S1PR2: variants seen among roughly 807,000 people sequenced by gnomAD.
S1PR2 encodes the protein sphingosine-1-phosphate receptor 2.
A neutral mutation model predicts 16.1 loss-of-function variants in S1PR2; 9 were observed. The observed-to-expected ratio is 0.56, with a 90% confidence interval of 0.34 to 0.98. The LOEUF (loss-of-function observed/expected upper bound fraction) is 0.98. S1PR2 is among the 50% of genes least tolerant of loss of function. The pLI, the probability that S1PR2 is intolerant of heterozygous loss-of-function variation, is 0.02. For missense variants in S1PR2, 361 were observed against 488.4 expected (o/e 0.74, Z 2.46); for synonymous variants, 224 against 233.9 (o/e 0.96, Z 0.38).
At chr19:10,230,954 G>A in intron 1 of S1PR2, among the ~76,000 whole-genome samples, 1 of 152,312 alleles carries the variant, frequency 6.6e-6, no homozygotes, top group Middle Eastern at 3.4e-3. Context: ...CTCGGATTCA[G>A]CCTTCTCCCC....
At position 10,224,882 on chromosome 19, in the gene S1PR2, G is replaced by A; in HGVS notation, c.24C>T (p.Tyr8=). ...GTTCCTGGACCTTGTTGGGGTTCAGGTACTCCGAGTACAAGCTGCCCATGG... is the reference window on the plus strand; with the variant it reads ...GTTCCTGGACCTTGTTGGGGTTCAGATACTCCGAGTACAAGCTGCCCATGG... MGSLYSE[Y]LNPNKVQEHY... The change falls in exon 2 of 2, where the codon TAC becomes TAT. Residue 8 remains tyrosine, a synonymous_variant. Coordinates refer to ENST00000646641, the MANE Select transcript of S1PR2 (RefSeq NM_004230.4). 1 of 1,610,908 alleles carries A rather than the reference G, an allele frequency of 6.2e-7. No homozygotes were observed. The highest frequency in any genetic ancestry group is 8.5e-7 in the Non-Finnish European group (1 of 1,179,460).
In S1PR2 at chr19:10,223,757, A is replaced by C; in HGVS notation, c.*87T>G. Reference sequence around the variant, plus strand: ...TCTGTGGGGCGGGGGCATCTGGCTCAGTAGCCCCAAGTCTCTATCTGGGGT... The same window carrying C: ...TCTGTGGGGCGGGGGCATCTGGCTCCGTAGCCCCAAGTCTCTATCTGGGGT... On this transcript the variant is annotated 3_prime_UTR_variant, in exon 2 of 2. Coordinates refer to ENST00000646641, the MANE Select transcript of S1PR2 (RefSeq NM_004230.4). The C allele has an allele frequency of 7.9e-7, 1 of 1,264,280 alleles. No homozygotes were observed. Among genetic ancestry groups the C allele is most frequent in the Non-Finnish European group, 1.1e-6 (1 of 916,972 alleles). 78.3% of individuals were successfully genotyped at this position (1,264,280 alleles called of 1,614,324 possible). A position where few individuals can be genotyped will look rare whatever the true frequency, so the allele number is the denominator to read the frequency against.
intron 1 of S1PR2, among the ~76,000 whole-genome samples, chr19:10,230,866 C>G (rs2039671797): frequency 1.3e-5 from 2 of 150,392 alleles, no homozygotes; most frequent in African/African-American, 2.4e-5. Context: ...AGGGGTGTTG[C>G]CCCCCCCCAA....
At position 10,221,742 on chromosome 19, in the gene S1PR2, G is replaced by C. The variant is rs895367757; in HGVS notation, c.*2102C>G. Reference sequence around the variant, plus strand: ...GCAGACAGGACAGCATTCATTCTGGGGGAAATGTGACGAGGAGAGGAGGGT... The same window carrying C: ...GCAGACAGGACAGCATTCATTCTGGCGGAAATGTGACGAGGAGAGGAGGGT... On this transcript the variant is annotated 3_prime_UTR_variant, in exon 2 of 2. Coordinates refer to ENST00000646641, the MANE Select transcript of S1PR2 (RefSeq NM_004230.4). 2.0e-5 allele frequency: 3 copies of C among 152,466 alleles called. No individual in the cohort carries two copies. The East Asian group carries it at 5.6e-4, about 29-fold the overall frequency. The allele number at this position is 152,466 out of a possible 1,614,324, so 9.4% of individuals were successfully genotyped here.
At chr19:10,230,699 A>G (rs2039669835) in intron 1 of S1PR2, among the ~76,000 whole-genome samples, 1 of 152,072 alleles carries the variant, frequency 6.6e-6, no homozygotes, top group Non-Finnish European at 1.5e-5. Context: ...AAACAAAGCC[A>G]CGCCCCCCGC....
rs943566338 is a variant in S1PR2 at position 10,223,560 on chromosome 19, C to T, written c.*284G>A. ...GAGCTCCCCTTAAATGCTGCCTGCC[C>T]TCACCCTGGCTCTTCACAGGTCCCC... On this transcript the variant is annotated 3_prime_UTR_variant, in exon 2 of 2. Coordinates refer to ENST00000646641, the MANE Select transcript of S1PR2 (RefSeq NM_004230.4). The T allele has an allele frequency of 1.2e-5, 5 of 425,744 alleles. No homozygotes were observed. Among genetic ancestry groups the T allele is most frequent in the African/African-American group, 1.0e-4 (5 of 49,712 alleles). The allele number at this position is 425,744 out of a possible 1,614,324, so 26.4% of individuals were successfully genotyped here. A position where few individuals can be genotyped will look rare whatever the true frequency, so the allele number is the denominator to read the frequency against.
chr19:10,228,447 G>A (rs1015499372), intron 1 of S1PR2, among the ~76,000 whole-genome samples: 1 of 152,174 alleles, frequency 6.6e-6, no homozygotes, highest in Non-Finnish European at 1.5e-5. Context: ...GCCCGGGGAG[G>A]CTAAGGCATT....
chr19:10,224,479 C>T lies in S1PR2; in HGVS notation c.427G>A (p.Asp143Asn), dbSNP rs760232470. ...AIAKVKLYGSDKSCRMLLLIG... is the reference protein window; with the variant it reads ...AIAKVKLYGSNKSCRMLLLIG... ...AGCAGAAGCATGCGGCAGCTCTTGT[C>T]GCTGCCATACAGCTTGACCTTGGCA... Residue 143 changes from aspartate (D) to asparagine (N), a missense_variant, in exon 2 of 2, where the codon GAC becomes AAC. Asp to Asn is a conservative substitution (Grantham distance 23). Transcript: ENST00000646641. 21 of 1,613,816 alleles carry T rather than the reference C, an allele frequency of 1.3e-5. No individual in the cohort carries two copies. The highest frequency in any genetic ancestry group is 1.7e-5 in the Admixed American group (1 of 60,036).
intron 1 of S1PR2, among the ~76,000 whole-genome samples, chr19:10,228,087 G>A (rs1427601185): frequency 1.4e-5 from 2 of 148,052 alleles, no homozygotes; most frequent in Admixed American, 1.4e-4. Flanking sequence ...TATCACCTGA[G>A]ATCATGAGTT....
In S1PR2 at chr19:10,222,312, C is replaced by T. The variant is rs10409243; in HGVS notation, c.*1532G>A. 74,915 of 151,832 alleles carry T rather than the reference C, an allele frequency of 0.49. 19,261 individuals are homozygous for T. Among genetic ancestry groups the T allele is most frequent in the Middle Eastern group, 0.59 (171 of 292 alleles). The allele number at this position is 151,832 out of a possible 1,614,324, so 9.4% of individuals were successfully genotyped here. A position where few individuals can be genotyped will look rare whatever the true frequency, so the allele number is the denominator to read the frequency against. ...AAAAAAAAAATCTTGAAAGAAGACA[C>T]AGCGGGGTTCTTGAAAGAAGACACA... On this transcript the variant is annotated 3_prime_UTR_variant, in exon 2 of 2. Coordinates refer to ENST00000646641, the MANE Select transcript of S1PR2 (RefSeq NM_004230.4).
rs747435736 is a variant in S1PR2, at chr19:10,224,825, C to T, written c.81G>A (p.Thr27=). 5.0e-6 allele frequency: 8 copies of T among 1,614,112 alleles called. No individual in the cohort carries two copies. The East Asian group carries it at 1.6e-4, about 31-fold the overall frequency. ...CCACCTGGCGGGAGGTCGTCTCCTG[C>T]GTTTCCAGCGTCTCCTTGGTATAAT... ...HYNYTKETLE[T]QETTSRQVAS... Residue 27 remains threonine (T), a synonymous_variant, in exon 2 of 2, where the codon ACG becomes ACA. Transcript: ENST00000646641.
Position 10,223,751 on chromosome 19 carries a change from T to C in S1PR2, c.*93A>G. 8.2e-7 allele frequency: 1 copy of C among 1,212,142 alleles called. No homozygotes were observed. The highest frequency in any genetic ancestry group is 1.1e-6 in the Non-Finnish European group (1 of 871,276). The allele number at this position is 1,212,142 out of a possible 1,614,324, so 75.1% of individuals were successfully genotyped here. On this transcript the variant is annotated 3_prime_UTR_variant, in exon 2 of 2. Transcript: ENST00000646641. ...CCCAGGTCTGTGGGGCGGGGGCATC[T>C]GGCTCAGTAGCCCCAAGTCTCTATC... is the stretch of plus-strand genomic sequence containing the variant.
chr19:10,227,936 G>A (rs1024522143), intron 1 of S1PR2, among the ~76,000 whole-genome samples: 4 of 152,072 alleles, frequency 2.6e-5, no homozygotes, highest in African/African-American at 9.7e-5. Context: ...GGCCTGGGGA[G>A]CACGCTGTGC....
rs753076607 is a variant in S1PR2 at position 10,223,822 on chromosome 19, GGTT to G, written c.*19_*21del. On this transcript the variant is annotated 3_prime_UTR_variant, in exon 2 of 2. Coordinates refer to ENST00000646641, the MANE Select transcript of S1PR2 (RefSeq NM_004230.4). ...TCCATGAACCCCTCTGCCCTGGCCT[GGTT>G]GTTGGTCCACCCCCACCCTCAGACC... is the stretch of plus-strand genomic sequence containing the variant. 43 of 1,519,584 alleles carry G rather than the reference GGTT, an allele frequency of 2.8e-5. No homozygotes were observed. The African/African-American group carries it at 5.7e-4, about 20-fold the overall frequency. 94.1% of individuals were successfully genotyped at this position (1,519,584 alleles called of 1,614,324 possible). A position where few individuals can be genotyped will look rare whatever the true frequency, so the allele number is the denominator to read the frequency against.
At chr19:10,225,971 TAG>T (rs1397994466) in intron 1 of S1PR2, among the ~76,000 whole-genome samples, 2 of 152,014 alleles carry the variant, frequency 1.3e-5, no homozygotes, top group African/African-American at 4.8e-5. Flanking sequence ...GTCTCCTGAG[TAG>T]CTACACGCTT....
intron 1 of S1PR2, among the ~76,000 whole-genome samples, chr19:10,227,754 G>A (rs1284068301): frequency 2.0e-5 from 3 of 152,190 alleles, no homozygotes; most frequent in Non-Finnish European, 4.4e-5. Context: ...GTCCTTTATA[G>A]GCGACGGGAG....
rs753104727 is a variant in S1PR2 at position 10,223,805 on chromosome 19, C to A, written c.*39G>T. On this transcript the variant is annotated 3_prime_UTR_variant, in exon 2 of 2. Coordinates refer to ENST00000646641, the MANE Select transcript of S1PR2 (RefSeq NM_004230.4). ...GGTCACCCAGTGGCCTCTCCATGAACCCCTCTGCCCTGGCCTGGTTGTTGG... is the reference window on the plus strand; with the variant it reads ...GGTCACCCAGTGGCCTCTCCATGAAACCCTCTGCCCTGGCCTGGTTGTTGG... 2.0e-6 allele frequency: 3 copies of A among 1,503,230 alleles called. No individual in the cohort carries two copies. The highest frequency in any genetic ancestry group is 2.8e-5 in the African/African-American group (2 of 71,274). The allele number at this position is 1,503,230 out of a possible 1,614,324, so 93.1% of individuals were successfully genotyped here.
chr19:10,230,213 T>G (rs568682360), intron 1 of S1PR2, among the ~76,000 whole-genome samples: 2 of 152,300 alleles, frequency 1.3e-5, no homozygotes, highest in African/African-American at 2.4e-5. Context: ...CCTCCTTATC[T>G]GGTTTAGGAA....
chr19:10,228,057 C>G (rs2039647059), intron 1 of S1PR2, among the ~76,000 whole-genome samples: 1 of 150,524 alleles, frequency 6.6e-6, no homozygotes, highest in Middle Eastern at 3.4e-3. Context: ...TCCCAGCACT[C>G]TGGGAAGCCG....
Sources: gnomAD v4.1 joint callset for allele counts (sites outside exome capture counted in the v4.1 genomes callset) on GRCh38, gnomAD v4.1.1 for gene constraint, MANE v1.5 for transcripts, NCBI Gene and HGNC (gene_info 2026-07-23, HGNC 2026-07-21) for gene names.